The following FHIT variants were observed in gnomAD, a reference collection of about 807,000 sequenced individuals.
The protein encoded by FHIT is fragile histidine triad diadenosine triphosphatase, also known as bis(5'-adenosyl)-triphosphatase.
A neutral mutation model predicts 17.9 loss-of-function variants in FHIT; 19 were observed. The ratio of observed to expected loss-of-function variants is 1.06; its 90% CI spans 0.74 to 1.56. FHIT has a LOEUF of 1.56. FHIT is among the 40% of genes most tolerant of loss of function. The pLI, the probability that FHIT is intolerant of heterozygous loss-of-function variation, is 0.00. For synonymous variants in FHIT, 81 were observed against 69.7 expected, an observed-to-expected ratio of 1.16 and a Z score of -0.81; for missense variants, 248 against 189.2, an observed-to-expected ratio of 1.31 and a Z score of -1.82.
chr3:60,391,927 TTTC>T (rs926511540), intron 5 of FHIT, among the ~76,000 whole-genome samples: 2 of 152,042 alleles, frequency 1.3e-5, no homozygotes, highest in Non-Finnish European at 2.9e-5. Context: ...TTAATGTTTC[TTTC>T]TTCTTTTTTT....
At chr3:60,788,994 G>A (rs1700677526) in intron 4 of FHIT, among the ~76,000 whole-genome samples, 1 of 151,664 alleles carries the variant, frequency 6.6e-6, no homozygotes, top group African/African-American at 2.4e-5. Context: ...AAGATAATTT[G>A]TTGTGAAACA....
chr3:60,926,235 C>G (rs1245411198), intron 3 of FHIT, among the ~76,000 whole-genome samples: 1 of 152,196 alleles, frequency 6.6e-6, no homozygotes, highest in Non-Finnish European at 1.5e-5. Flanking sequence ...CTCTCCACCC[C>G]AAATCAACAG....
chr3:59,927,474 A>AAAAC (rs59253766), intron 7 of FHIT, among the ~76,000 whole-genome samples: 9,821 of 151,056 alleles, frequency 0.065, 368 homozygotes, highest in African/African-American at 0.096. Context: ...AAAAAAAAAA[A>AAAAC]AAAAAACTGA....
intron 4 of FHIT, among the ~76,000 whole-genome samples, chr3:60,703,396 T>C (rs1460612686): frequency 6.6e-6 from 1 of 152,226 alleles, no homozygotes; most frequent in Non-Finnish European, 1.5e-5. Flanking sequence ...TAATTTGTTA[T>C]GGTGGTTTTA....
At chr3:60,614,910 A>C (rs1553675236) in intron 4 of FHIT, among the ~76,000 whole-genome samples, 2 of 132,460 alleles carry the variant, frequency 1.5e-5, no homozygotes, top group East Asian at 4.5e-4. Context: ...GCTCACTACA[A>C]CCTCCGCCTC....
intron 3 of FHIT, among the ~76,000 whole-genome samples, chr3:60,851,527 T>C (rs1162178873): frequency 2.0e-5 from 3 of 152,164 alleles, no homozygotes; most frequent in Non-Finnish European, 4.4e-5. Flanking sequence ...GAATGACCTA[T>C]ATTATTTACA....
At chr3:59,856,447 C>G (rs1426656554) in intron 8 of FHIT, among the ~76,000 whole-genome samples, 3 of 152,130 alleles carry the variant, frequency 2.0e-5, no homozygotes. Flanking sequence ...AGATTATTCC[C>G]CATAGATTCT....
At chr3:60,535,149 G>A (rs368445701) in intron 5 of FHIT, among the ~76,000 whole-genome samples, 141 of 152,240 alleles carry the variant, frequency 9.3e-4, no homozygotes, top group African/African-American at 2.2e-3. Flanking sequence ...GGTTGAACCC[G>A]GGAGGCAGAG....
chr3:60,413,544 T>C (rs1361923764), intron 5 of FHIT, among the ~76,000 whole-genome samples: 2 of 152,198 alleles, frequency 1.3e-5, no homozygotes, highest in African/African-American at 4.8e-5. Flanking sequence ...AATAAGTGCA[T>C]GTTAGGTAAA....
intron 5 of FHIT, among the ~76,000 whole-genome samples, chr3:60,064,018 T>C (rs74925143): frequency 6.6e-6 from 1 of 152,294 alleles, no homozygotes; most frequent in African/African-American, 2.4e-5. Context: ...TGTCGTTTTG[T>C]TTAGATGTCA....
chr3:60,924,753 C>G (rs185086448), intron 3 of FHIT, among the ~76,000 whole-genome samples: 1 of 151,848 alleles, frequency 6.6e-6, no homozygotes, highest in South Asian at 2.1e-4. Context: ...GACGATCAAA[C>G]TACTCCGACC....
intron 5 of FHIT, among the ~76,000 whole-genome samples, chr3:60,344,794 G>T (rs1036094610): frequency 2.6e-5 from 4 of 151,930 alleles, no homozygotes; most frequent in Non-Finnish European, 5.9e-5. Context: ...TTTGGAAACT[G>T]GTATCAAATC....
At chr3:60,021,825 C>T (rs1700563503) in intron 5 of FHIT, among the ~76,000 whole-genome samples, 1 of 152,202 alleles carries the variant, frequency 6.6e-6, no homozygotes, top group Non-Finnish European at 1.5e-5. Context: ...ATAATACCTA[C>T]TGCAGTGTTT....
At chr3:60,762,759 G>A (rs1484373842) in intron 4 of FHIT, among the ~76,000 whole-genome samples, 1 of 106,168 alleles carries the variant, frequency 9.4e-6, no homozygotes, top group Non-Finnish European at 1.8e-5. Context: ...CATTCAATTA[G>A]TTGACAATTA....
At chr3:59,871,365 G>GA (rs1244424252) in intron 8 of FHIT, among the ~76,000 whole-genome samples, 2 of 152,046 alleles carry the variant, frequency 1.3e-5, no homozygotes, top group Non-Finnish European at 2.9e-5. Context: ...ATATTTGTAA[G>GA]AATCTCAACA....
At chr3:59,863,342 C>A (rs1307091176) in intron 8 of FHIT, among the ~76,000 whole-genome samples, 3 of 152,190 alleles carry the variant, frequency 2.0e-5, no homozygotes, top group African/African-American at 7.2e-5. Context: ...GTGGTTTGGT[C>A]TAATTATCTG....
At chr3:59,923,866 A>C (rs1270161805) in intron 7 of FHIT, among the ~76,000 whole-genome samples, 1 of 152,162 alleles carries the variant, frequency 6.6e-6, no homozygotes, top group African/African-American at 2.4e-5. Flanking sequence ...AACGTGGTCC[A>C]AGGTGAATGA....
chr3:61,066,123 C>T (rs139322761), intron 2 of FHIT, among the ~76,000 whole-genome samples: 45 of 152,278 alleles, frequency 3.0e-4, no homozygotes, highest in Middle Eastern at 3.4e-3. Flanking sequence ...ACTAAACTCA[C>T]TTGGATAACA....
At chr3:61,234,516 A>G (rs1023763683) in intron 1 of FHIT, among the ~76,000 whole-genome samples, 2 of 152,232 alleles carry the variant, frequency 1.3e-5, no homozygotes, top group African/African-American at 4.8e-5. Context: ...ATTTAGAAAA[A>G]TGTGTCCATT....
Sources: allele counts gnomAD v4.1 joint callset (sites outside exome capture counted in the v4.1 genomes callset), GRCh38; gene constraint gnomAD v4.1.1; transcripts MANE v1.5; gene names NCBI Gene and HGNC (gene_info 2026-07-23, HGNC 2026-07-21).